ANKRD28: variants seen among roughly 807,000 people sequenced by gnomAD.
The protein encoded by ANKRD28 is serine/threonine-protein phosphatase 6 regulatory ankyrin repeat subunit A.
A neutral mutation model predicts 126.5 loss-of-function variants in ANKRD28; 44 were observed. The observed-to-expected ratio is 0.35, with a 90% CI of 0.27 to 0.45. The LOEUF is 0.45. ANKRD28 is among the 20% of genes least tolerant of loss of function. The probability of loss-of-function intolerance (pLI) is 1.00; values close to 1 mark genes in which losing one functional copy is unlikely to be tolerated. For synonymous variants in ANKRD28, 442 were observed against 468.5 expected (o/e 0.94, Z 0.73); for missense variants, 1,110 against 1,316.6 (o/e 0.84, Z 2.43).
intron 8 of ANKRD28, among the ~76,000 whole-genome samples, chr3:15,719,529 CTCTTA>C (rs1475049911): frequency 3.3e-5 from 5 of 152,060 alleles, no homozygotes; most frequent in African/African-American, 1.2e-4. Flanking sequence ...TGCATGTGCT[CTCTTA>C]TAAAATTATA....
intron 1 of ANKRD28, among the ~76,000 whole-genome samples, chr3:15,803,797 G>C (rs1158168823): frequency 1.4e-5 from 2 of 143,776 alleles, no homozygotes; most frequent in Non-Finnish European, 3.0e-5. Flanking sequence ...TTTATACAAT[G>C]AAGAATGTTA....
Position 15,853,528 on chromosome 3 carries a change from A to G in ANKRD28, c.27+5849T>C, listed in dbSNP as rs1475823873. On this transcript the variant is annotated intron_variant, in intron 1 of 27. Coordinates refer to the ANKRD28 transcript ENST00000399451. The surrounding 1 kb of genome is among the most constrained non-coding windows in gnomAD (Gnocchi z 4.2). ...TCTGTCGCCCAGGCTGGAGTGCAGTAGTACGATTCTGGCTCACTGCAAGCT... is the reference window on the plus strand; with the variant it reads ...TCTGTCGCCCAGGCTGGAGTGCAGTGGTACGATTCTGGCTCACTGCAAGCT... Among the ~76,000 whole-genome samples, 1 of 151,974 alleles carries G rather than the reference A, an allele frequency of 6.6e-6. No individual in the cohort carries two copies. Among genetic ancestry groups the G allele is most frequent in the African/African-American group, 2.4e-5 (1 of 41,358 alleles).
rs747330282 is a variant in ANKRD28, at chr3:15,722,284, C to T, written c.784-1157G>A. 2.0e-5 allele frequency among the ~76,000 whole-genome samples: 3 copies of T among 152,058 alleles called. No homozygotes were observed. The East Asian group carries it at 5.8e-4, about 29-fold the overall frequency. ...ACCAATCAAGCCATATAATGGAGCC[C>T]CAATAAAAACCGAAAATGAAGCTCA... On this transcript the variant is annotated intron_variant, in intron 7 of 27. Coordinates refer to ENST00000683139, the MANE Select transcript of ANKRD28 (RefSeq NM_001349278.2).
rs2060782338 is a variant in ANKRD28, at chr3:15,814,011, C to T, written c.28-18705G>A. ...AGATCTTAGATTTATAAGCCCCCTCCACTGAAAATTTACTTGAATTATAAA... is the reference window on the plus strand; with the variant it reads ...AGATCTTAGATTTATAAGCCCCCTCTACTGAAAATTTACTTGAATTATAAA... On this transcript the variant is annotated intron_variant, in intron 1 of 27. Transcript: ENST00000399451. This position sits in a 1 kb window ranked among gnomAD's most constrained non-coding sequence, Gnocchi z 4.7. 6.6e-6 allele frequency among the ~76,000 whole-genome samples: 1 copy of T among 152,136 alleles called. No individual in the cohort carries two copies. The highest frequency in any genetic ancestry group is 2.4e-5 in the African/African-American group (1 of 41,432).
chr3:15,691,093 G>GT (rs1266471675), intron 17 of ANKRD28, among the ~76,000 whole-genome samples: 1 of 151,256 alleles, frequency 6.6e-6, no homozygotes, highest in African/African-American at 2.4e-5. Context: ...CTGTACAAAA[G>GT]TAAGACTGAA....
At position 15,670,421 on chromosome 3, in the gene ANKRD28, G is replaced by T; in HGVS notation, c.3101C>A (p.Thr1034Asn). The change falls in exon 28 of 28, where the codon ACC becomes AAC. Residue 1034 changes from threonine (T) to asparagine (N), a missense_variant. Physicochemically the swap from Thr to Asn is moderately conservative, Grantham distance 65. Coordinates refer to ENST00000683139, the MANE Select transcript of ANKRD28 (RefSeq NM_001349278.2). The part of the protein sequence containing the change: ...SLTFNAINRY[T>N]NTSKTVSFEA... ...AAAGCTGACTGTTTTTGAGGTGTTGGTATAACGGTTAATGGCATTGAATGT... is the reference window on the plus strand; with the variant it reads ...AAAGCTGACTGTTTTTGAGGTGTTGTTATAACGGTTAATGGCATTGAATGT... 6.2e-7 allele frequency: 1 copy of T among 1,613,940 alleles called. No homozygotes were observed. The highest frequency in any genetic ancestry group is 2.2e-5 in the East Asian group (1 of 44,888).
At chr3:15,855,368 C>T (rs933508452) in intron 1 of ANKRD28, among the ~76,000 whole-genome samples, 1 of 151,858 alleles carries the variant, frequency 6.6e-6, no homozygotes, top group Non-Finnish European at 1.5e-5. Flanking sequence ...AAACCCAACA[C>T]CTTAAACATA....
intron 3 of ANKRD28, among the ~76,000 whole-genome samples, chr3:15,765,546 A>G (rs996303153): frequency 6.6e-6 from 1 of 152,150 alleles, no homozygotes; most frequent in Non-Finnish European, 1.5e-5. Context: ...ACTGTTCCAT[A>G]TAATACCCTA....
intron 27 of ANKRD28, among the ~76,000 whole-genome samples, chr3:15,672,582 G>A (rs924838643): frequency 6.6e-6 from 1 of 152,182 alleles, no homozygotes; most frequent in Admixed American, 6.5e-5. Context: ...CAAAGTAGCT[G>A]GGGGAGTGCT....
exon 1 of ANKRD28, chr3:15,859,537 T>G: frequency 1.8e-6 from 1 of 546,132 alleles, no homozygotes; most frequent in Non-Finnish European, 2.3e-6. Context: ...CCGACTGCGC[T>G]GAGAAGACCT....
In ANKRD28 at chr3:15,782,114, A is replaced by G. The variant is rs115990230; in HGVS notation, c.201+13109T>C. On this transcript the variant is annotated intron_variant, in intron 2 of 27. Coordinates refer to ENST00000683139, the MANE Select transcript of ANKRD28 (RefSeq NM_001349278.2). Reference sequence around the variant, plus strand: ...TTAGAGGGCCACAAATCATTGGAATATGTAAGATTTTTCATATACCTACAT... The same window carrying G: ...TTAGAGGGCCACAAATCATTGGAATGTGTAAGATTTTTCATATACCTACAT... 3.6e-3 allele frequency among the ~76,000 whole-genome samples: 547 copies of G among 152,262 alleles called. 6 individuals are homozygous for G. The highest frequency in any genetic ancestry group is 0.013 in the African/African-American group (520 of 41,562).
rs1559403716 is a variant in ANKRD28, at chr3:15,720,851, C to G, written c.996+64G>C. ...TTCCTTTTTATTGCTCAATGGTATTCACCATTGATGTTGTTTTAACAGTGA... is the reference window on the plus strand; with the variant it reads ...TTCCTTTTTATTGCTCAATGGTATTGACCATTGATGTTGTTTTAACAGTGA... On this transcript the variant is annotated intron_variant, in intron 8 of 27. Transcript: ENST00000683139. 3 of 1,365,180 alleles carry G rather than the reference C, an allele frequency of 2.2e-6. No homozygotes were observed. The East Asian group carries it at 7.0e-5, about 32-fold the overall frequency. 84.6% of individuals were successfully genotyped at this position (1,365,180 alleles called of 1,614,324 possible).
intron 1 of ANKRD28, among the ~76,000 whole-genome samples, chr3:15,835,394 T>C (rs939115907): frequency 6.6e-6 from 1 of 152,200 alleles, no homozygotes; most frequent in Admixed American, 6.5e-5. Context: ...GCTATTTGGA[T>C]ATAAATAGCT....
At chr3:15,773,421 T>C (rs2059112217) in intron 2 of ANKRD28, among the ~76,000 whole-genome samples, 1 of 152,080 alleles carries the variant, frequency 6.6e-6, no homozygotes, top group African/African-American at 2.4e-5. Context: ...GGTCAAGAAT[T>C]CAAGACCAGC....
At chr3:15,836,821 A>G (rs931021512) in intron 1 of ANKRD28, among the ~76,000 whole-genome samples, 2 of 152,148 alleles carry the variant, frequency 1.3e-5, no homozygotes, top group Non-Finnish European at 2.9e-5. Flanking sequence ...TCACGCCTGT[A>G]ATCCCAGCTC....
chr3:15,826,117 T>C (rs1214521333), intron 1 of ANKRD28, among the ~76,000 whole-genome samples: 2 of 152,196 alleles, frequency 1.3e-5, no homozygotes, highest in African/African-American at 4.8e-5. Context: ...CAAAAAAAGA[T>C]ACACATTATA....
intron 4 of ANKRD28, among the ~76,000 whole-genome samples, chr3:15,746,176 T>TCAA (rs2057464041): frequency 1.3e-5 from 2 of 152,356 alleles, no homozygotes; most frequent in South Asian, 4.1e-4. Context: ...TGACTTCCTC[T>TCAA]TTACTGATTT....
In ANKRD28 at chr3:15,817,684, T is replaced by A. The variant is rs775314349; in HGVS notation, c.28-22378A>T. On this transcript the variant is annotated intron_variant, in intron 1 of 27. Transcript: ENST00000399451. The surrounding 1 kb of genome is among the most constrained non-coding windows in gnomAD (Gnocchi z 4.5). ...TTTATATATTTAAATAAATATAAAA[T>A]TACCAGGAAACCACTAATTTCTTCC... Among the ~76,000 whole-genome samples, 4 of 152,086 alleles carry A rather than the reference T, an allele frequency of 2.6e-5. No homozygotes were observed. The highest frequency in any genetic ancestry group is 5.9e-5 in the Non-Finnish European group (4 of 68,020).
chr3:15,785,490 T>C (rs558521362), intron 2 of ANKRD28, among the ~76,000 whole-genome samples: 1 of 152,152 alleles, frequency 6.6e-6, no homozygotes, highest in Non-Finnish European at 1.5e-5. Flanking sequence ...ATCAGGGAAT[T>C]GCAAATCAAA....
Sources: allele counts gnomAD v4.1 joint callset (sites outside exome capture counted in the v4.1 genomes callset), GRCh38; gene constraint gnomAD v4.1.1; non-coding constraint Gnocchi (gnomAD v3.1); transcripts MANE v1.5; gene names NCBI Gene and HGNC (gene_info 2026-07-23, HGNC 2026-07-21).